BRCA1: variants seen among roughly 807,000 people sequenced by gnomAD.
BRCA1 encodes the protein breast cancer type 1 susceptibility protein.
Under a neutral mutation model 173.7 loss-of-function variants are expected in BRCA1, and 140 were observed. The observed-to-expected ratio is 0.81, with a 90% CI of 0.70 to 0.93. The LOEUF is 0.93. BRCA1 is among the 40% of genes least tolerant of loss of function. The pLI is 0.00. For missense variants in BRCA1, 1,983 were observed against 2,172.5 expected (o/e 0.91, Z 1.73); for synonymous variants, 662 against 756.0 (o/e 0.88, Z 2.04).
At chr17:43,049,929 A>C in intron 20 of BRCA1, 1 of 395,416 alleles carries the variant, frequency 2.5e-6, no homozygotes, top group Non-Finnish European at 4.5e-6. Flanking sequence ...ACTCACCCCC[A>C]AAATAATACT....
chr17:43,047,849 G>A, intron 21 of BRCA1, 146 bp from the exon 22 acceptor site: 1 of 778,632 alleles, frequency 1.3e-6, no homozygotes, highest in South Asian at 1.5e-5. Flanking sequence ...TCAGCTCACT[G>A]CCACCTCTGC....
chr17:43,127,225 G>T (rs1368241160), upstream of BRCA1, among the ~76,000 whole-genome samples: 4 of 152,356 alleles, frequency 2.6e-5, no homozygotes, highest in Middle Eastern at 3.4e-3. Context: ...GCACAGCCCT[G>T]CGCAGGATCC....
intron 19 of BRCA1, among the ~76,000 whole-genome samples, chr17:43,056,742 G>A (rs2051477291): frequency 6.6e-6 from 1 of 152,018 alleles, no homozygotes; most frequent in African/African-American, 2.4e-5. Context: ...AGTGAAAAGA[G>A]CAAAGTCTTT....
At chr17:43,138,827 C>T (rs543077107) in intron 1 of BRCA1, 8 of 778,902 alleles carry the variant, frequency 1.0e-5, no homozygotes, top group Admixed American at 1.7e-5. Flanking sequence ...CATACTCCCC[C>T]ACCAGTCACC....
At chr17:43,067,483 T>C in intron 16 of BRCA1, 125 bp downstream of exon 16, 1 of 728,982 alleles carries the variant, frequency 1.4e-6, no homozygotes, top group Non-Finnish European at 2.4e-6. Context: ...CTCGATCTCC[T>C]AATCTCGTGA....
intron 15 of BRCA1, among the ~76,000 whole-genome samples, chr17:43,069,173 C>T (rs2052277603): frequency 6.6e-6 from 1 of 152,198 alleles, no homozygotes; most frequent in Non-Finnish European, 1.5e-5. Flanking sequence ...CCCCCTTTTG[C>T]TACCACCCTC....
At chr17:43,160,176 G>A (rs2056226304) in intron 1 of BRCA1, 1 of 151,900 alleles carries the variant, frequency 6.6e-6, no homozygotes, top group Non-Finnish European at 1.5e-5. Context: ...CAAGCAGCTG[G>A]GACTACAGGC....
chr17:43,082,623 C>G (rs370884761), intron 11 of BRCA1, 48 bp from the exon 12 acceptor site: 49 of 1,588,630 alleles, frequency 3.1e-5, no homozygotes, highest in Non-Finnish European at 1.7e-6. Context: ...CTTTGAGAAG[C>G]TTTCCATTAA....
At chr17:43,069,534 A>T (rs746372367) in intron 15 of BRCA1, among the ~76,000 whole-genome samples, 1 of 152,230 alleles carries the variant, frequency 6.6e-6, no homozygotes, top group South Asian at 2.1e-4. Flanking sequence ...CTAATTTTCA[A>T]TGAATAAATA....
chr17:43,160,580 G>A (rs2056230001), intron 1 of BRCA1: 1 of 151,944 alleles, frequency 6.6e-6, no homozygotes, highest in South Asian at 2.1e-4. Flanking sequence ...GTCCGGGATT[G>A]ATTTTCAACT....
intron 18 of BRCA1, among the ~76,000 whole-genome samples, chr17:43,061,919 C>T (rs983201312): frequency 1.3e-5 from 2 of 152,126 alleles, no homozygotes; most frequent in African/African-American, 4.8e-5. Context: ...TTTGCCTGAT[C>T]TGTTGTCACA....
At chr17:43,087,643 CAAG>C (rs2053277828) in intron 11 of BRCA1, among the ~76,000 whole-genome samples, 1 of 122,434 alleles carries the variant, frequency 8.2e-6, no homozygotes, top group Non-Finnish European at 1.7e-5. Flanking sequence ...GCCTGGGCAA[CAAG>C]AGTGAAACTC....
intron 2 of BRCA1, among the ~76,000 whole-genome samples, chr17:43,122,307 A>T (rs2055615410): frequency 6.6e-6 from 1 of 152,152 alleles, no homozygotes; most frequent in Admixed American, 6.6e-5. Flanking sequence ...CACCATATTT[A>T]AAAAAATTAA....
At chr17:43,144,722 A>AAT in intron 1 of BRCA1, 1 of 243,746 alleles carries the variant, frequency 4.1e-6, no homozygotes, top group Non-Finnish European at 8.2e-6. Flanking sequence ...ATATAAGAAA[A>AAT]ATAAGAGCAG....
chr17:43,062,090 C>T (rs1456729590), intron 18 of BRCA1, among the ~76,000 whole-genome samples: 1 of 151,834 alleles, frequency 6.6e-6, no homozygotes, highest in African/African-American at 2.4e-5. Flanking sequence ...TGCATATGCA[C>T]ACACACACTT....
intron 2 of BRCA1, 72 bp downstream of exon 2, chr17:43,123,945 G>A (rs2055707234): frequency 8.2e-7 from 1 of 1,212,378 alleles, no homozygotes; most frequent in Non-Finnish European, 1.2e-6. Context: ...TAGTATGTAA[G>A]GTCAATTCTG....
intron 20 of BRCA1, among the ~76,000 whole-genome samples, chr17:43,049,629 T>C (rs2051122119): frequency 6.6e-6 from 1 of 152,198 alleles, no homozygotes; most frequent in Admixed American, 6.5e-5. Context: ...TGGTAATTAC[T>C]GTAAATGTCA....
At chr17:43,168,013 C>T (rs1245974572) in intron 1 of BRCA1, among the ~76,000 whole-genome samples, 2 of 152,166 alleles carry the variant, frequency 1.3e-5, no homozygotes, top group East Asian at 3.9e-4. Flanking sequence ...ATTTTCTATA[C>T]TTTTAAAGTT....
intron 19 of BRCA1, 131 bp from the exon 20 acceptor site, chr17:43,051,248 C>A: frequency 1.2e-6 from 1 of 824,360 alleles, no homozygotes; most frequent in Non-Finnish European, 2.0e-6. Flanking sequence ...TTCTGTTCAC[C>A]ACCTGATGAT....
Sources: gnomAD v4.1 joint callset for allele counts (sites outside exome capture counted in the v4.1 genomes callset) on GRCh38, gnomAD v4.1.1 for gene constraint, MANE v1.5 for transcripts, NCBI Gene and HGNC (gene_info 2026-07-23, HGNC 2026-07-21) for gene names.